Variants in P2RX6 observed in about 807,000 individuals in gnomAD.
P2RX6 encodes purinergic receptor P2X 6.
In P2RX6, 62 loss-of-function variants were observed where a neutral mutation model predicts 54.2. The ratio of observed to expected loss-of-function variants is 1.14; its 90% CI spans 0.93 to 1.41. The LOEUF (loss-of-function observed/expected upper bound fraction) is 1.41. Among genes scored for constraint, P2RX6 ranks in the 40% most tolerant of loss-of-function variants. P2RX6 has a pLI of 0.00. For synonymous variants in P2RX6, 211 were observed against 231.9 expected (o/e 0.91, Z 0.82); for missense variants, 541 against 566.3 (o/e 0.96, Z 0.45).
chr22:21,024,218 C>G (rs545390371), intron 8 of P2RX6, among the ~76,000 whole-genome samples: 1 of 151,646 alleles, frequency 6.6e-6, no homozygotes, highest in African/African-American at 2.4e-5. Context: ...CTCAGCCTCC[C>G]GAAGGGCTAG....
At position 21,022,988 on chromosome 22, in the gene P2RX6, C is replaced by T; in HGVS notation, c.510C>T (p.Thr170=). The T allele has an allele frequency of 2.5e-6, 4 of 1,613,626 alleles. No homozygotes were observed. Among genetic ancestry groups the T allele is most frequent in the Non-Finnish European group, 3.4e-6 (4 of 1,179,632 alleles). The part of the protein sequence containing the change: ...QCVVFNGTHR[T]CEIWSWCPVE... ...TGGTGTTCAATGGGACCCACAGGAC[C>T]TGTGAGATCTGGAGTTGGTGCCCCG... The change falls in exon 5 of 12, where the codon ACC becomes ACT. Residue 170 remains threonine (T), a synonymous_variant. Coordinates refer to ENST00000413302, the MANE Select transcript of P2RX6 (RefSeq NM_005446.5).
rs373912522 is a variant in P2RX6, at chr22:21,026,430, C to T, written c.1139C>T (p.Pro380Leu). Residue 380 changes from proline to leucine, a missense_variant, in exon 12 of 12, where the codon CCG (proline) becomes CTG (leucine). Pro to Leu is a moderately conservative substitution (Grantham distance 98). Transcript: ENST00000413302. The surrounding 1 kb of genome is among the most constrained non-coding windows in gnomAD (Gnocchi z 4.0). ...TGTCCTCATCTGCAGGCCAAGGCCC[C>T]GAAAGCAACCGCCAACTCTGTGTGG... ...WRTKYEEAKAPKATANSVWRE... is the reference protein window; with the variant it reads ...WRTKYEEAKALKATANSVWRE... The T allele has an allele frequency of 6.2e-6, 10 of 1,600,248 alleles. No individual in the cohort carries two copies. Among genetic ancestry groups the T allele is most frequent in the Middle Eastern group, 1.6e-4 (1 of 6,068 alleles).
rs565846410 is a variant in P2RX6 at position 21,026,431 on chromosome 22, G to T, written c.1140G>T (p.Pro380=). 2 of 1,600,632 alleles carry T rather than the reference G, an allele frequency of 1.2e-6. No individual in the cohort carries two copies. Among genetic ancestry groups the T allele is most frequent in the Non-Finnish European group, 1.7e-6 (2 of 1,174,126 alleles). The change falls in exon 12 of 12, where the codon CCG becomes CCT. Residue 380 remains proline, a synonymous_variant. Transcript: ENST00000413302. The surrounding 1 kb of genome is among the most constrained non-coding windows in gnomAD (Gnocchi z 4.0). The part of the protein sequence containing the change: ...WRTKYEEAKA[P]KATANSVWRE... ...GTCCTCATCTGCAGGCCAAGGCCCC[G>T]AAAGCAACCGCCAACTCTGTGTGGA...
chr22:21,020,994 T>G (rs1418568721), intron 3 of P2RX6, among the ~76,000 whole-genome samples: 1 of 152,006 alleles, frequency 6.6e-6, no homozygotes, highest in Non-Finnish European at 1.5e-5. Context: ...CTGTGTGAGG[T>G]GAGGTGCCTT....
chr22:21,017,383 T>A (rs1926575595), intron 2 of P2RX6, among the ~76,000 whole-genome samples: 1 of 152,208 alleles, frequency 6.6e-6, no homozygotes, highest in South Asian at 2.1e-4. Flanking sequence ...TTCTTTCCAA[T>A]GTCCTCGGCC....
At position 21,026,605 on chromosome 22, in the gene P2RX6, C is replaced by T. The variant is rs754106066; in HGVS notation, c.1314C>T (p.Ser438=). 20 of 1,584,088 alleles carry T rather than the reference C, an allele frequency of 1.3e-5. No individual in the cohort carries two copies. The highest frequency in any genetic ancestry group is 6.9e-5 in the South Asian group (6 of 86,332). The change falls in exon 12 of 12, where the codon TCC becomes TCT. Residue 438 remains serine, a synonymous_variant. Transcript: ENST00000413302. This position sits in a 1 kb window ranked among gnomAD's most constrained non-coding sequence, Gnocchi z 4.0. The part of the protein sequence containing the change: ...PSSDTHLPTH[S]GSL The stretch of plus-strand genomic sequence containing the variant: ...CTGACACCCACTTGCCAACCCATTC[C>T]GGGAGCCTGTAGCCGTTCCCTGCTG...
In P2RX6 at chr22:21,027,642, C is replaced by T. The variant is rs968946479; in HGVS notation, c.*1025C>T. Reference sequence around the variant, plus strand: ...GGCCAGGTTTTGCAGCTGGAATTCTCCTCTTGGTCCCAGGGCGGGGCAGGG... The same window carrying T: ...GGCCAGGTTTTGCAGCTGGAATTCTTCTCTTGGTCCCAGGGCGGGGCAGGG... On this transcript the variant is annotated 3_prime_UTR_variant, in exon 12 of 12. Coordinates refer to ENST00000413302, the MANE Select transcript of P2RX6 (RefSeq NM_005446.5). 1.4e-4 allele frequency: 22 copies of T among 152,178 alleles called. No individual in the cohort carries two copies. Among genetic ancestry groups the T allele is most frequent in the African/African-American group, 5.3e-4 (22 of 41,340 alleles). 9.4% of individuals were successfully genotyped at this position (152,178 alleles called of 1,614,324 possible).
intron 3 of P2RX6, among the ~76,000 whole-genome samples, chr22:21,019,727 G>A (rs979935889): frequency 2.0e-5 from 3 of 152,224 alleles, no homozygotes; most frequent in Non-Finnish European, 2.9e-5. Flanking sequence ...TGACAGCCTC[G>A]AACAGATTTA....
At chr22:21,020,820 G>A in intron 3 of P2RX6, among the ~76,000 whole-genome samples, 1 of 151,948 alleles carries the variant, frequency 6.6e-6, no homozygotes, top group East Asian at 1.9e-4. Context: ...TCAAACTCCT[G>A]ACCTCAGGTA....
At chr22:21,023,750 G>C in intron 8 of P2RX6, 132 bp downstream of exon 8, 1 of 679,596 alleles carries the variant, frequency 1.5e-6, no homozygotes, top group Non-Finnish European at 2.6e-6. Flanking sequence ...CCAGGAGCAG[G>C]AGAGAGCTGT....
At chr22:21,012,308 G>A (rs1199838263), upstream of P2RX6, among the ~76,000 whole-genome samples, 2 of 152,158 alleles carry the variant, frequency 1.3e-5, no homozygotes, top group South Asian at 2.1e-4. Context: ...AGAGTGGTGG[G>A]GTAGGGTGGA....
chr22:21,015,751 A>T (rs1926244098), intron 1 of P2RX6, among the ~76,000 whole-genome samples, 191 bp from the exon 2 acceptor site: 1 of 151,988 alleles, frequency 6.6e-6, no homozygotes, highest in South Asian at 2.1e-4. Context: ...TGGCTCTCTG[A>T]TGCATGGCTG....
intron 3 of P2RX6, among the ~76,000 whole-genome samples, chr22:21,019,042 G>A (rs1926912234): frequency 6.6e-6 from 1 of 152,152 alleles, no homozygotes; most frequent in Non-Finnish European, 1.5e-5. Context: ...CCCCTTGCCT[G>A]GGGATGTCCC....
chr22:21,018,912 C>T (rs117649327), intron 3 of P2RX6: 3,076 of 152,198 alleles, frequency 0.02, 52 homozygotes, highest in Non-Finnish European at 0.033. Flanking sequence ...TGAGCCACCA[C>T]GCCCGGCCTG....
intron 4 of P2RX6, 82 bp from the exon 5 acceptor site, chr22:21,022,860 T>C (rs566137905): frequency 5.3e-6 from 8 of 1,501,586 alleles, no homozygotes; most frequent in Middle Eastern, 1.8e-4. Flanking sequence ...TGCATCTCTC[T>C]TTCTGCCAAC....
Position 21,025,920 on chromosome 22 carries a change from G to A in P2RX6, c.984+22G>A, listed in dbSNP as rs775620378. 3 of 1,579,726 alleles carry A rather than the reference G, an allele frequency of 1.9e-6. No individual in the cohort carries two copies. In the African/African-American group the frequency reaches 4.0e-5, roughly 21 times the overall value. The stretch of plus-strand genomic sequence containing the variant: ...GCAGGTAGGCACAGGTAGGGGTCAG[G>A]CCGGGGATGGGATGGGGCAGGCAGA... On this transcript the variant is annotated intron_variant, in intron 9 of 11. Coordinates refer to ENST00000413302, the MANE Select transcript of P2RX6 (RefSeq NM_005446.5).
intron 8 of P2RX6, 52 bp downstream of exon 8, chr22:21,023,670 C>A: frequency 7.6e-7 from 1 of 1,323,402 alleles, no homozygotes; most frequent in South Asian, 1.3e-5. Context: ...CGCCCTCTCA[C>A]TGTGGCGGCC....
intron 3 of P2RX6, chr22:21,018,342 C>T: frequency 4.7e-6 from 2 of 428,158 alleles, no homozygotes; most frequent in Non-Finnish European, 8.8e-6. Context: ...TGACAGGACC[C>T]CGAGCTCTGG....
At chr22:21,012,912 C>G (rs1428407421), upstream of P2RX6, 3 of 159,580 alleles carry the variant, frequency 1.9e-5, no homozygotes, top group Non-Finnish European at 4.1e-5. Context: ...TCTCAGATGT[C>G]GAGGGTAGGG....
Sources: gnomAD v4.1 joint callset for allele counts (sites outside exome capture counted in the v4.1 genomes callset) on GRCh38, gnomAD v4.1.1 for gene constraint, Gnocchi (gnomAD v3.1) non-coding constraint, MANE v1.5 for transcripts, NCBI Gene and HGNC (gene_info 2026-07-23, HGNC 2026-07-21) for gene names.